DGKB: variants seen among roughly 807,000 people sequenced by gnomAD.
DGKB encodes the protein 90 kDa diacylglycerol kinase.
In DGKB, 67 loss-of-function variants were observed where a neutral mutation model predicts 114.3. The observed-to-expected ratio is 0.59, with a 90% CI of 0.48 to 0.72. The LOEUF (loss-of-function observed/expected upper bound fraction) is 0.72, where lower values mean the gene tolerates loss of function less well. DGKB is among the 30% of genes least tolerant of loss of function. The pLI is 0.00. For synonymous variants in DGKB, 398 were observed against 323.1 expected (o/e 1.23, Z -2.49); for missense variants, 907 against 975.2 (o/e 0.93, Z 0.93).
intron 23 of DGKB, among the ~76,000 whole-genome samples, chr7:14,317,594 C>T: frequency 6.8e-6 from 1 of 147,722 alleles, no homozygotes; most frequent in Non-Finnish European, 1.5e-5. Context: ...TGAAGGACCT[C>T]TTCAAGGACA....
At chr7:14,847,091 C>G (rs1485416718) in intron 1 of DGKB, among the ~76,000 whole-genome samples, 1 of 151,966 alleles carries the variant, frequency 6.6e-6, no homozygotes, top group Non-Finnish European at 1.5e-5. Context: ...GAGATCGAGA[C>G]CATCCTGGCT....
Position 14,672,993 on chromosome 7 carries a change from T to G in DGKB, c.1070A>C (p.Glu357Ala). ...GTCCTTCAAAGGTCCACAGTCACAT[T>G]CAGGTTTTAGATGAGAAGCACATTT... is the stretch of plus-strand genomic sequence containing the variant. ...HNKCASHLKP[E>A]CDCGPLKDHI... The change falls in exon 13 of 26, where the codon GAA becomes GCA. Residue 357 changes from glutamate (E) to alanine (A), a missense_variant. Physicochemically the swap from Glu to Ala is moderately radical, Grantham distance 107. Transcript: ENST00000402815. 3 of 1,578,038 alleles carry G rather than the reference T, an allele frequency of 1.9e-6. No homozygotes were observed. The highest frequency in any genetic ancestry group is 2.6e-6 in the Non-Finnish European group (3 of 1,160,194).
At chr7:14,838,619 ATCCCCACTT>A (rs1364193878) in intron 2 of DGKB, among the ~76,000 whole-genome samples, 2 of 152,082 alleles carry the variant, frequency 1.3e-5, no homozygotes, top group Non-Finnish European at 1.5e-5. Flanking sequence ...TAAAATCTGA[ATCCCCACTT>A]TTCCAGTCGT....
chr7:14,514,519 T>C (rs1233737720), intron 20 of DGKB, among the ~76,000 whole-genome samples: 1 of 152,136 alleles, frequency 6.6e-6, no homozygotes, highest in Non-Finnish European at 1.5e-5. Flanking sequence ...AAATAATTGT[T>C]TATTGACAGA....
intron 2 of DGKB, among the ~76,000 whole-genome samples, chr7:14,797,124 T>A (rs1396121987): frequency 6.6e-6 from 1 of 152,196 alleles, no homozygotes; most frequent in Non-Finnish European, 1.5e-5. Flanking sequence ...TTTTACTTTT[T>A]ACTTTCATGT....
At chr7:14,339,138 G>C (rs1295792193) in intron 22 of DGKB, among the ~76,000 whole-genome samples, 1 of 151,352 alleles carries the variant, frequency 6.6e-6, no homozygotes, top group African/African-American at 2.4e-5. Flanking sequence ...GGAAAGTACA[G>C]AAAGCAGATT....
At chr7:14,831,914 T>C (rs909829216) in intron 2 of DGKB, among the ~76,000 whole-genome samples, 1 of 151,846 alleles carries the variant, frequency 6.6e-6, no homozygotes, top group African/African-American at 2.4e-5. Flanking sequence ...ATTTCTCACA[T>C]AGTCTCACCA....
chr7:14,357,610 T>G (rs1046650821), intron 21 of DGKB, among the ~76,000 whole-genome samples: 1 of 152,198 alleles, frequency 6.6e-6, no homozygotes, highest in Non-Finnish European at 1.5e-5. Flanking sequence ...AAGGTTAATA[T>G]TGTTATGTGT....
intron 2 of DGKB, among the ~76,000 whole-genome samples, chr7:14,829,033 G>A (rs1302739826): frequency 1.3e-5 from 2 of 152,016 alleles, no homozygotes; most frequent in African/African-American, 2.4e-5. Flanking sequence ...AATGGTTCAC[G>A]AGGCAAAGAT....
intron 5 of DGKB, among the ~76,000 whole-genome samples, chr7:14,724,954 G>A (rs2128369157): frequency 6.6e-6 from 1 of 152,254 alleles, no homozygotes; most frequent in Non-Finnish European, 1.5e-5. Context: ...AAGATCATTT[G>A]AGTCCAGGAG....
intron 21 of DGKB, among the ~76,000 whole-genome samples, chr7:14,404,271 T>C (rs1327038303): frequency 6.6e-6 from 1 of 151,692 alleles, no homozygotes; most frequent in Non-Finnish European, 1.5e-5. Context: ...TAACCTCCTA[T>C]TCAATTTAGA....
At chr7:14,918,003 T>A (rs1465318933) in intron 1 of DGKB, among the ~76,000 whole-genome samples, 1 of 151,898 alleles carries the variant, frequency 6.6e-6, no homozygotes, top group Non-Finnish European at 1.5e-5. Flanking sequence ...GGAGAAAAAA[T>A]TATACGATCA....
chr7:14,929,022 T>TATACAC (rs71548101), intron 1 of DGKB, among the ~76,000 whole-genome samples: 1 of 146,750 alleles, frequency 6.8e-6, no homozygotes, highest in Non-Finnish European at 1.5e-5. Context: ...GCATTGTGTA[T>TATACAC]ACACACACAC....
chr7:14,302,587 C>T (rs961351026), intron 23 of DGKB, among the ~76,000 whole-genome samples: 2 of 152,008 alleles, frequency 1.3e-5, no homozygotes, highest in Non-Finnish European at 2.9e-5. Context: ...AAAATCTTGC[C>T]CATTTTAGTC....
At chr7:14,546,765 T>C (rs944616042) in intron 20 of DGKB, among the ~76,000 whole-genome samples, 1 of 152,192 alleles carries the variant, frequency 6.6e-6, no homozygotes, top group Non-Finnish European at 1.5e-5. Flanking sequence ...TGATATGGCA[T>C]TAATGATGTT....
rs1329514072 is a variant in DGKB at position 14,689,267 on chromosome 7, G to T, written c.712-3905C>A. Among the ~76,000 whole-genome samples the T allele has an allele frequency of 2.1e-5, 3 of 143,126 alleles. No individual in the cohort carries two copies. In the East Asian group the frequency reaches 6.3e-4, roughly 30 times the overall value. 93.9% of individuals were successfully genotyped at this position (143,126 alleles called of 152,430 possible). A position where few individuals can be genotyped will look rare whatever the true frequency, so the allele number is the denominator to read the frequency against. ...GTCGCCCAGGCTGGAGGGCAGTGGCGCGATCTCGGCTCACTGCAAGCTCCG... is the reference window on the plus strand; with the variant it reads ...GTCGCCCAGGCTGGAGGGCAGTGGCTCGATCTCGGCTCACTGCAAGCTCCG... On this transcript the variant is annotated intron_variant, in intron 9 of 25. Coordinates refer to ENST00000402815, the MANE Select transcript of DGKB (RefSeq NM_001350709.2).
chr7:14,469,945 T>C (rs1781031362), intron 21 of DGKB, among the ~76,000 whole-genome samples: 1 of 151,920 alleles, frequency 6.6e-6, no homozygotes, highest in Admixed American at 6.6e-5. Context: ...ATCTATATAT[T>C]TACCTATTTA....
At chr7:14,818,092 A>C (rs1399709192) in intron 2 of DGKB, among the ~76,000 whole-genome samples, 1 of 152,202 alleles carries the variant, frequency 6.6e-6, no homozygotes, top group Non-Finnish European at 1.5e-5. Context: ...CTAGGAAACC[A>C]TGATAATAAC....
intron 1 of DGKB, among the ~76,000 whole-genome samples, chr7:14,854,549 C>A (rs1849850814): frequency 6.6e-6 from 1 of 152,186 alleles, no homozygotes; most frequent in African/African-American, 2.4e-5. Flanking sequence ...AACCTAGATT[C>A]TTCACATACA....
Sources: allele counts gnomAD v4.1 joint callset (sites outside exome capture counted in the v4.1 genomes callset), GRCh38; gene constraint gnomAD v4.1.1; transcripts MANE v1.5; gene names NCBI Gene and HGNC (gene_info 2026-07-23, HGNC 2026-07-21).